GLIS3: variants seen among roughly 807,000 people sequenced by gnomAD.
The protein encoded by GLIS3 is zinc finger protein GLIS3.
In GLIS3, 53 loss-of-function variants were observed where a neutral mutation model predicts 78.6. The observed-to-expected ratio is 0.67, with a 90% confidence interval of 0.54 to 0.85. The LOEUF is 0.85. GLIS3 is among the 40% of genes least tolerant of loss of function. GLIS3 has a pLI of 0.00. For missense variants in GLIS3, 1,703 were observed against 1,231.1 expected (o/e 1.38, Z -5.74); for synonymous variants, 684 against 509.9 (o/e 1.34, Z -4.60).
chr9:3,937,808 T>A (rs999118003), intron 4 of GLIS3, among the ~76,000 whole-genome samples: 3 of 152,202 alleles, frequency 2.0e-5, no homozygotes, highest in African/African-American at 7.2e-5. Context: ...TAACAGGCTC[T>A]TACAAAGGAA....
intron 4 of GLIS3, among the ~76,000 whole-genome samples, chr9:4,002,653 C>T (rs765613619): frequency 3.0e-4 from 46 of 152,152 alleles, no homozygotes; most frequent in Non-Finnish European, 5.4e-4. Flanking sequence ...TGTCTTGCTG[C>T]CTCATTCTGC....
Position 3,987,778 on chromosome 9 carries a change from A to AC in GLIS3, c.1711-50590_1711-50589insG, listed in dbSNP as rs1222621668. On this transcript the variant is annotated intron_variant, in intron 4 of 10. Transcript: ENST00000381971. ...GGATTTGGCAAAAAAAAAAAAAAAA[A>AC]AAAAAAAAAACAAAACACAAACATA... Among the ~76,000 whole-genome samples the AC allele has an allele frequency of 8.3e-5, 12 of 144,782 alleles. 1 individual carries two copies. The highest frequency in any genetic ancestry group is 1.5e-4 in the African/African-American group (6 of 39,560). The allele number at this position is 144,782 out of a possible 152,430, so 95.0% of individuals were successfully genotyped here.
intron 1 of GLIS3, among the ~76,000 whole-genome samples, chr9:4,289,704 A>G (rs980920250): frequency 1.3e-5 from 2 of 152,196 alleles, no homozygotes; most frequent in Admixed American, 6.5e-5. Context: ...AGGAACATCC[A>G]GAGGTATAAA....
intron 2 of GLIS3, among the ~76,000 whole-genome samples, chr9:4,323,846 A>G (rs1817569245): frequency 6.6e-6 from 1 of 152,258 alleles, no homozygotes; most frequent in Admixed American, 6.5e-5. Flanking sequence ...TGAATGAATC[A>G]TGAAAAGAAG....
chr9:3,832,681 C>A (rs1301562441), intron 9 of GLIS3, among the ~76,000 whole-genome samples: 1 of 152,196 alleles, frequency 6.6e-6, no homozygotes, highest in Non-Finnish European at 1.5e-5. Flanking sequence ...AAAACGTTAG[C>A]ATAAACCGCC....
intron 2 of GLIS3, among the ~76,000 whole-genome samples, chr9:4,339,371 G>T (rs1426047080): frequency 1.3e-5 from 2 of 152,136 alleles, no homozygotes; most frequent in Non-Finnish European, 2.9e-5. Flanking sequence ...TGAAATACAT[G>T]CTTCACTCTA....
At chr9:4,220,205 T>C (rs1156400071) in intron 2 of GLIS3, among the ~76,000 whole-genome samples, 2 of 152,198 alleles carry the variant, frequency 1.3e-5, no homozygotes, top group East Asian at 3.8e-4. Flanking sequence ...AAATAAATAA[T>C]CTTTCTAAAA....
chr9:4,474,985 A>AC, the GLIS3 span, among the ~76,000 whole-genome samples: 1 of 114,490 alleles, frequency 8.7e-6, no homozygotes, highest in African/African-American at 3.5e-5. Flanking sequence ...GACTATGTTA[A>AC]TTTTTTTTTC....
chr9:4,146,837 G>A (rs1329886096), intron 2 of GLIS3, among the ~76,000 whole-genome samples: 1 of 152,194 alleles, frequency 6.6e-6, no homozygotes, highest in Non-Finnish European at 1.5e-5. Context: ...TGCTACAAGA[G>A]CTATTCATTT....
At chr9:4,248,076 T>C (rs964594197) in intron 2 of GLIS3, among the ~76,000 whole-genome samples, 2 of 152,192 alleles carry the variant, frequency 1.3e-5, no homozygotes, top group African/African-American at 4.8e-5. Flanking sequence ...GAACCATTAT[T>C]CTTCTATGAA....
chr9:4,406,795 G>C, the GLIS3 span, among the ~76,000 whole-genome samples: 4 of 151,998 alleles, frequency 2.6e-5, no homozygotes, highest in African/African-American at 9.7e-5. Context: ...AGAAATTGAA[G>C]AGGACACACA....
At chr9:4,258,649 G>C (rs1323520562) in intron 2 of GLIS3, among the ~76,000 whole-genome samples, 1 of 152,172 alleles carries the variant, frequency 6.6e-6, no homozygotes, top group Non-Finnish European at 1.5e-5. Context: ...ATGTTCACTT[G>C]TAAATCACCC....
intron 2 of GLIS3, among the ~76,000 whole-genome samples, chr9:4,222,219 G>A (rs1163883184): frequency 6.6e-6 from 1 of 152,176 alleles, no homozygotes; most frequent in African/African-American, 2.4e-5. Context: ...ATGTACCACA[G>A]CTTCTTCACT....
At chr9:4,191,937 G>A (rs1485243428) in intron 2 of GLIS3, among the ~76,000 whole-genome samples, 3 of 152,014 alleles carry the variant, frequency 2.0e-5, no homozygotes, top group Non-Finnish European at 2.9e-5. Context: ...CCAAAATTTT[G>A]TTAAAGGAGG....
At chr9:4,017,695 T>A (rs1375005610) in intron 4 of GLIS3, among the ~76,000 whole-genome samples, 1 of 152,126 alleles carries the variant, frequency 6.6e-6, no homozygotes, top group Non-Finnish European at 1.5e-5. Flanking sequence ...CCAGGATGCA[T>A]AGCCTGGTAT....
At chr9:4,025,994 G>C (rs1823305801) in intron 4 of GLIS3, among the ~76,000 whole-genome samples, 1 of 152,188 alleles carries the variant, frequency 6.6e-6, no homozygotes, top group Non-Finnish European at 1.5e-5. Context: ...TTTAAAAGTA[G>C]AAGTCATGAT....
intron 2 of GLIS3, among the ~76,000 whole-genome samples, chr9:4,275,952 C>G (rs548515057): frequency 6.6e-6 from 1 of 152,108 alleles, no homozygotes; most frequent in Admixed American, 6.5e-5. Flanking sequence ...AAGTACTGTA[C>G]AAGTCCAAGG....
intron 2 of GLIS3, among the ~76,000 whole-genome samples, chr9:4,232,347 C>T (rs1285370185): frequency 1.5e-5 from 2 of 135,672 alleles, no homozygotes; most frequent in Non-Finnish European, 3.1e-5. Flanking sequence ...TGCCTCTGTA[C>T]TCAAGCCTGG....
intron 2 of GLIS3, among the ~76,000 whole-genome samples, chr9:4,322,425 G>T (rs1817546708): frequency 6.6e-6 from 1 of 152,150 alleles, no homozygotes; most frequent in South Asian, 2.1e-4. Context: ...AAAGTAATGG[G>T]ATTGCTGGGT....
Sources: gnomAD v4.1 joint callset for allele counts (sites outside exome capture counted in the v4.1 genomes callset) on GRCh38, gnomAD v4.1.1 for gene constraint, MANE v1.5 for transcripts, NCBI Gene and HGNC (gene_info 2026-07-23, HGNC 2026-07-21) for gene names.